Variants in ATP13A3 observed in about 807,000 individuals in gnomAD.
ATP13A3 encodes the protein ATPase 13A3, also known as polyamine-transporting ATPase 13A3.
Under a neutral mutation model 158.1 loss-of-function variants are expected in ATP13A3, and 59 were observed. The observed-to-expected ratio is 0.37, with a 90% CI of 0.30 to 0.46. The LOEUF (loss-of-function observed/expected upper bound fraction) is 0.46, where lower values mean the gene tolerates loss of function less well. ATP13A3 is among the 20% of genes least tolerant of loss of function. The pLI, the probability that ATP13A3 is intolerant of heterozygous loss-of-function variation, is 1.00. For missense variants in ATP13A3, 1,166 were observed against 1,525.2 expected, an observed-to-expected ratio of 0.76 and a Z score of 3.92; for synonymous variants, 491 against 504.3, an observed-to-expected ratio of 0.97 and a Z score of 0.35.
At chr3:194,438,172 T>C (rs564697467) in intron 17 of ATP13A3, among the ~76,000 whole-genome samples, 1 of 151,894 alleles carries the variant, frequency 6.6e-6, no homozygotes, top group East Asian at 1.9e-4. Flanking sequence ...AAAATAATAA[T>C]AAACTCTGGA....
At chr3:194,422,982 A>G (rs1309241303) in intron 30 of ATP13A3, among the ~76,000 whole-genome samples, 4 of 151,082 alleles carry the variant, frequency 2.6e-5, no homozygotes, top group Non-Finnish European at 2.9e-5. Flanking sequence ...CCTGAATAGG[A>G]AAGACCCTGG....
chr3:194,456,148 T>C (rs956308111), intron 7 of ATP13A3, among the ~76,000 whole-genome samples, 186 bp from the exon 8 acceptor site: 1 of 152,150 alleles, frequency 6.6e-6, no homozygotes, highest in Non-Finnish European at 1.5e-5. Flanking sequence ...TAGATACCTA[T>C]ACTGGTAGCA....
chr3:194,430,276 A>G lies in ATP13A3; in HGVS notation c.2664T>C (p.Cys888=). The change falls in exon 25 of 34, where the codon TGT becomes TGC. Residue 888 remains cysteine (C), a synonymous_variant. Transcript: ENST00000645319. ...VGMCGDGAND[C]GALKRAHGGI... is the part of the protein sequence containing the mutation. ...AAATCACAAAAACTATACTTACACC[A>G]CAATCATTTGCGCCATCACCACACA... 6.2e-7 allele frequency: 1 copy of G among 1,613,922 alleles called. No homozygotes were observed. The highest frequency in any genetic ancestry group is 8.5e-7 in the Non-Finnish European group (1 of 1,179,854).
rs1464495693 is a variant in ATP13A3 at position 194,450,264 on chromosome 3, A to T, written c.851T>A (p.Ile284Asn). 1 of 1,610,546 alleles carries T rather than the reference A, an allele frequency of 6.2e-7. No individual in the cohort carries two copies. Among genetic ancestry groups the T allele is most frequent in the Non-Finnish European group, 8.5e-7 (1 of 1,178,094 alleles). Reference protein sequence around the residue: ...VCRVNEEIEEIFSTDLVPGDV... With the variant: ...VCRVNEEIEENFSTDLVPGDV... ...TCCTGGCACAAGGTCGGTAGAAAAG[A>T]TTTCTTCTATTTCTGAAATTAAAGA... The change falls in exon 11 of 34, where the codon ATC becomes AAC. Residue 284 changes from isoleucine (I) to asparagine (N), a missense_variant. Physicochemically the swap from Ile to Asn is moderately radical, Grantham distance 149. Transcript: ENST00000645319.
upstream of ATP13A3, among the ~76,000 whole-genome samples, chr3:194,489,884 C>G (rs1721125168): frequency 6.6e-6 from 1 of 152,070 alleles, no homozygotes; most frequent in Admixed American, 6.5e-5. The surrounding 1 kb of genome is among the most constrained non-coding windows in gnomAD (Gnocchi z 4.1). Context: ...AGGAGAAACC[C>G]AAGATAGGCG....
intron 3 of ATP13A3, 42 bp from the exon 4 acceptor site, chr3:194,460,873 A>G (rs766358173): frequency 1.6e-5 from 25 of 1,570,906 alleles, no homozygotes; most frequent in African/African-American, 2.7e-5. Flanking sequence ...ATCAAATGAT[A>G]AAATGATATG....
chr3:194,457,209 T>C (rs1719293356), intron 6 of ATP13A3, 35 bp from the exon 7 acceptor site: 1 of 1,528,334 alleles, frequency 6.5e-7, no homozygotes, highest in East Asian at 2.3e-5. Flanking sequence ...TTAAACAAAG[T>C]TTAAAATATC....
Position 194,425,508 on chromosome 3 carries a change from G to A in ATP13A3, c.3147C>T (p.Ser1049=), listed in dbSNP as rs1401220179. Reference sequence around the variant, plus strand: ...CTACGTGTGAAGAATTCCAAAACCCGCTTCCTGTTGTATTACAAGCACTAG... The same window carrying A: ...CTACGTGTGAAGAATTCCAAAACCCACTTCCTGTTGTATTACAAGCACTAG... ...PKSDACNTTG[S]GFWNSSHVDN... Residue 1049 remains serine, a synonymous_variant, in exon 30 of 34, where the codon AGC becomes AGT. Transcript: ENST00000645319. 12 of 1,611,522 alleles carry A rather than the reference G, an allele frequency of 7.4e-6. No individual in the cohort carries two copies. Among genetic ancestry groups the A allele is most frequent in the East Asian group, 2.2e-5 (1 of 44,842 alleles).
intron 8 of ATP13A3, 83 bp downstream of exon 8, chr3:194,455,810 A>G: frequency 1.1e-6 from 1 of 919,540 alleles, no homozygotes; most frequent in East Asian, 2.9e-5. Context: ...AAAGAAAACC[A>G]AGAATATTTT....
chr3:194,423,570 C>CAACA (rs1413677698), intron 30 of ATP13A3, among the ~76,000 whole-genome samples: 1 of 152,208 alleles, frequency 6.6e-6, no homozygotes, highest in East Asian at 1.9e-4. Flanking sequence ...GCATGCTTTA[C>CAACA]AACAGCAAGT....
At chr3:194,433,934 C>T in intron 20 of ATP13A3, 38 bp from the exon 21 acceptor site, 2 of 1,590,724 alleles carry the variant, frequency 1.3e-6, no homozygotes, top group African/African-American at 1.3e-5. Flanking sequence ...ATGGTTTAGT[C>T]AATTGAGTAA....
At chr3:194,433,004 C>G (rs988610060) in intron 21 of ATP13A3, among the ~76,000 whole-genome samples, 1 of 152,020 alleles carries the variant, frequency 6.6e-6, no homozygotes, top group African/African-American at 2.4e-5. Flanking sequence ...ACATTTCATG[C>G]TATCGAATAT....
chr3:194,453,790 A>T lies in ATP13A3; in HGVS notation c.766-12T>A. On this transcript the variant is annotated splice_polypyrimidine_tract_variant and intron_variant, in intron 9 of 33. Coordinates refer to ENST00000645319, the MANE Select transcript of ATP13A3 (RefSeq NM_001367549.1). The stretch of plus-strand genomic sequence containing the variant: ...AACATAACATATTGCTGAAAGAGGA[A>T]AAAGAAGTTAGAAACTAGCCAATAT... 2 of 1,610,484 alleles carry T rather than the reference A, an allele frequency of 1.2e-6. No homozygotes were observed. Among genetic ancestry groups the T allele is most frequent in the Non-Finnish European group, 1.7e-6 (2 of 1,177,442 alleles).
intron 2 of ATP13A3, among the ~76,000 whole-genome samples, chr3:194,484,761 T>C (rs1720899538): frequency 6.6e-6 from 1 of 152,138 alleles, no homozygotes; most frequent in Non-Finnish European, 1.5e-5. Flanking sequence ...AAACTAACTA[T>C]GTAAGTATCA....
chr3:194,479,284 A>G (rs1305257177), intron 2 of ATP13A3, among the ~76,000 whole-genome samples: 1 of 152,246 alleles, frequency 6.6e-6, no homozygotes, highest in Non-Finnish European at 1.5e-5. Context: ...AAATATTTCA[A>G]TTAAGCGTGT....
At chr3:194,443,243 C>T (rs1202511259) in intron 15 of ATP13A3, among the ~76,000 whole-genome samples, 1 of 152,104 alleles carries the variant, frequency 6.6e-6, no homozygotes, top group East Asian at 1.9e-4. Context: ...AAGTATCTTA[C>T]AGTCCATAGG....
intron 14 of ATP13A3, among the ~76,000 whole-genome samples, chr3:194,446,200 T>A (rs545612940): frequency 6.6e-6 from 1 of 151,996 alleles, no homozygotes; most frequent in Non-Finnish European, 1.5e-5. Context: ...TCAAATACGA[T>A]TGTTTTGTCC....
intron 33 of ATP13A3, among the ~76,000 whole-genome samples, chr3:194,410,392 CTA>C (rs576937632): frequency 7.1e-4 from 102 of 143,892 alleles, no homozygotes; most frequent in African/African-American, 2.6e-3. Context: ...TGGTGAAACC[CTA>C]TCTCTACAAA....
At chr3:194,425,218 T>C (rs1226614212) in intron 30 of ATP13A3, 124 bp downstream of exon 30, 3 of 946,358 alleles carry the variant, frequency 3.2e-6, no homozygotes, top group Admixed American at 2.9e-5. Context: ...AACATCTAAA[T>C]CACTAAGTTG....
Sources: gnomAD v4.1 joint callset for allele counts (sites outside exome capture counted in the v4.1 genomes callset) on GRCh38, gnomAD v4.1.1 for gene constraint, Gnocchi (gnomAD v3.1) non-coding constraint, MANE v1.5 for transcripts, NCBI Gene and HGNC (gene_info 2026-07-23, HGNC 2026-07-21) for gene names.